Variants in ANGPT1 observed in about 807,000 individuals in gnomAD.
The protein encoded by ANGPT1 is angiopoietin-1.
ANGPT1 carries 17 observed loss-of-function variants against 62.2 expected under a neutral mutation model. That is an observed-to-expected ratio of 0.27 (90% CI 0.19 to 0.41). The LOEUF (loss-of-function observed/expected upper bound fraction) is 0.41. Ranked by LOEUF, ANGPT1 falls within the 10% of genes least tolerant of loss-of-function variation. ANGPT1 has a pLI of 1.00. For missense variants in ANGPT1, 478 were observed against 594.9 expected, an observed-to-expected ratio of 0.80 and a Z score of 2.04; for synonymous variants, 199 against 198.9, an observed-to-expected ratio of 1.00 and a Z score of 0.00.
intron 1 of ANGPT1, among the ~76,000 whole-genome samples, chr8:107,420,713 T>C (rs1183464518): frequency 2.0e-5 from 3 of 152,166 alleles, no homozygotes; most frequent in Non-Finnish European, 2.9e-5. Flanking sequence ...ATATGGTCCA[T>C]GGAGGATGAA....
chr8:107,338,546 A>G (rs1274299006), intron 2 of ANGPT1, among the ~76,000 whole-genome samples: 2 of 152,252 alleles, frequency 1.3e-5, no homozygotes, highest in Non-Finnish European at 2.9e-5. Flanking sequence ...TTATACAGTC[A>G]TTAGTAAGGA....
chr8:107,404,992 TG>T (rs1317286643), intron 1 of ANGPT1, among the ~76,000 whole-genome samples: 4 of 152,154 alleles, frequency 2.6e-5, no homozygotes, highest in Non-Finnish European at 5.9e-5. Flanking sequence ...GCATTTATAT[TG>T]GGCTATTATT....
chr8:107,286,255 T>C (rs907135929), intron 6 of ANGPT1, among the ~76,000 whole-genome samples: 1 of 152,182 alleles, frequency 6.6e-6, no homozygotes, highest in African/African-American at 2.4e-5. Flanking sequence ...TAAAATGTTA[T>C]GCAAATAAGT....
intron 7 of ANGPT1, among the ~76,000 whole-genome samples, chr8:107,271,273 T>G (rs149184822): frequency 6.6e-6 from 1 of 152,190 alleles, no homozygotes; most frequent in African/African-American, 2.4e-5. Context: ...CTGCCAATAT[T>G]TTGTGAAGAT....
intron 7 of ANGPT1, chr8:107,284,334 A>C (rs1814086711): frequency 6.5e-6 from 1 of 154,046 alleles, no homozygotes; most frequent in African/African-American, 2.5e-5. Context: ...TTTTAGAATA[A>C]AGAGATTATT....
intron 1 of ANGPT1, among the ~76,000 whole-genome samples, chr8:107,418,042 A>G (rs1810797119): frequency 6.6e-6 from 1 of 152,186 alleles, no homozygotes; most frequent in African/African-American, 2.4e-5. Context: ...ATGCACTAGA[A>G]ATTAAAATTT....
At chr8:107,253,558 T>C (rs1262282857) in intron 8 of ANGPT1, among the ~76,000 whole-genome samples, 1 of 152,214 alleles carries the variant, frequency 6.6e-6, no homozygotes, top group Non-Finnish European at 1.5e-5. Flanking sequence ...AACTTTTTTA[T>C]AGTCTTTCAA....
At position 107,263,090 on chromosome 8, in the gene ANGPT1, AT is replaced by A. The variant is rs1268376252; in HGVS notation, c.1336+1130del. On this transcript the variant is annotated intron_variant, in intron 8 of 8. Transcript: ENST00000517746. ...ATATAGCCAGGTGCCATGGTGGCTC[AT>A]GCCTCTAATCCCAGCACTTTGGGAG... is the stretch of plus-strand genomic sequence containing the variant. Among the ~76,000 whole-genome samples the A allele has an allele frequency of 8.6e-5, 13 of 151,024 alleles. No individual in the cohort carries two copies. The Admixed American group carries it at 8.6e-4, about 10-fold the overall frequency.
At chr8:107,487,729 G>A (rs1812851209) in intron 1 of ANGPT1, among the ~76,000 whole-genome samples, 1 of 152,148 alleles carries the variant, frequency 6.6e-6, no homozygotes, top group South Asian at 2.1e-4. Flanking sequence ...ACATGGACAA[G>A]TGTCTTAAAA....
At chr8:107,474,335 A>G (rs558450074) in intron 1 of ANGPT1, among the ~76,000 whole-genome samples, 37 of 152,304 alleles carry the variant, frequency 2.4e-4, no homozygotes, top group African/African-American at 8.7e-4. Context: ...GACAAAAACC[A>G]CATGATTACC....
intron 7 of ANGPT1, among the ~76,000 whole-genome samples, chr8:107,270,526 T>C (rs1232515909): frequency 2.0e-5 from 3 of 152,068 alleles, no homozygotes; most frequent in Non-Finnish European, 4.4e-5. Context: ...TTGCTGCTTC[T>C]GGGCTGTCTC....
chr8:107,437,684 G>C (rs1395688858), intron 1 of ANGPT1, among the ~76,000 whole-genome samples: 5 of 152,136 alleles, frequency 3.3e-5, no homozygotes, highest in African/African-American at 1.2e-4. Flanking sequence ...CATTATTGCA[G>C]ACTTTGTCTT....
At position 107,398,027 on chromosome 8, in the gene ANGPT1, A is replaced by G. The variant is rs1350429385; in HGVS notation, c.298-50930T>C. On this transcript the variant is annotated intron_variant, in intron 1 of 8. Transcript: ENST00000517746. Reference sequence around the variant, plus strand: ...CTTTGCCCTGTATCATGATGCAGACAGATTCTCCTGAACTGGCTTGCTCCC... The same window carrying G: ...CTTTGCCCTGTATCATGATGCAGACGGATTCTCCTGAACTGGCTTGCTCCC... Among the ~76,000 whole-genome samples the G allele has an allele frequency of 1.4e-3, 206 of 152,206 alleles. 3 individuals carry two copies. The highest frequency in any genetic ancestry group is 7.3e-5 in the Non-Finnish European group (5 of 68,036).
At chr8:107,441,952 C>T (rs191110181) in intron 1 of ANGPT1, among the ~76,000 whole-genome samples, 38 of 152,076 alleles carry the variant, frequency 2.5e-4, no homozygotes, top group South Asian at 8.4e-4. Flanking sequence ...GGGGTAGTGG[C>T]GCGCATCTGT....
chr8:107,348,835 T>C (rs1815868864), intron 1 of ANGPT1, among the ~76,000 whole-genome samples: 1 of 152,140 alleles, frequency 6.6e-6, no homozygotes. Flanking sequence ...GGTAGAGTTG[T>C]CCCAGCCTAG....
At chr8:107,263,456 G>A (rs1284619236) in intron 8 of ANGPT1, among the ~76,000 whole-genome samples, 1 of 151,202 alleles carries the variant, frequency 6.6e-6, no homozygotes, top group African/African-American at 2.4e-5. Context: ...GCTTAACCAA[G>A]GCTCTGAGAC....
At chr8:107,403,203 C>T (rs1817080371) in intron 1 of ANGPT1, among the ~76,000 whole-genome samples, 1 of 152,060 alleles carries the variant, frequency 6.6e-6, no homozygotes, top group African/African-American at 2.4e-5. Context: ...AAGACAGCTC[C>T]TGTAGCTCCG....
intron 1 of ANGPT1, among the ~76,000 whole-genome samples, chr8:107,495,475 C>T (rs1813068234): frequency 6.6e-6 from 1 of 152,172 alleles, no homozygotes; most frequent in Non-Finnish European, 1.5e-5. Flanking sequence ...TGTGTTTACC[C>T]TGTCACTGCT....
At chr8:107,366,141 T>C (rs1396763923) in intron 1 of ANGPT1, among the ~76,000 whole-genome samples, 3 of 152,206 alleles carry the variant, frequency 2.0e-5, no homozygotes, top group Non-Finnish European at 4.4e-5. Flanking sequence ...ATGTTATCAC[T>C]ATATGCCCAG....
Sources: allele counts gnomAD v4.1 joint callset (sites outside exome capture counted in the v4.1 genomes callset), GRCh38; gene constraint gnomAD v4.1.1; transcripts MANE v1.5; gene names NCBI Gene and HGNC (gene_info 2026-07-23, HGNC 2026-07-21).